Variants in KIAA1217 observed in about 807,000 individuals in gnomAD.
KIAA1217 encodes the protein sickle tail protein homolog.
In KIAA1217, 88 loss-of-function variants were observed where a neutral mutation model predicts 163.9. That is an observed-to-expected ratio of 0.54 (90% CI 0.45 to 0.64). KIAA1217 has a LOEUF of 0.64. Among genes scored for constraint, KIAA1217 ranks in the 30% least tolerant of loss-of-function variants. The pLI is 0.00. For synonymous variants in KIAA1217, 903 were observed against 923.1 expected, an observed-to-expected ratio of 0.98 and a Z score of 0.39; for missense variants, 2,372 against 2,475.0, an observed-to-expected ratio of 0.96 and a Z score of 0.88.
intron 1 of KIAA1217, 151 bp from the exon 2 acceptor site, chr10:24,219,475 T>C (rs1589993925): frequency 3.3e-6 from 2 of 602,692 alleles, no homozygotes; most frequent in East Asian, 6.4e-5. Context: ...CTCCCCTGAC[T>C]GCTGCAAAGC....
chr10:24,150,800 T>A (rs1360678950), intron 2 of KIAA1217, among the ~76,000 whole-genome samples: 1 of 152,168 alleles, frequency 6.6e-6, no homozygotes, highest in African/African-American at 2.4e-5. Flanking sequence ...AGCTGAATTA[T>A]CTGATAGAGC....
chr10:24,330,765 C>A (rs954240286), intron 2 of KIAA1217, among the ~76,000 whole-genome samples: 1 of 151,530 alleles, frequency 6.6e-6, no homozygotes. Context: ...CAGGTGCATG[C>A]CACCACACCA....
intron 2 of KIAA1217, among the ~76,000 whole-genome samples, chr10:24,301,928 C>T (rs1355154849): frequency 6.6e-6 from 1 of 152,044 alleles, no homozygotes; most frequent in Non-Finnish European, 1.5e-5. Flanking sequence ...GCCTATAATC[C>T]CAGCTACTTG....
At chr10:24,387,415 G>A (rs527488618) in intron 3 of KIAA1217, among the ~76,000 whole-genome samples, 1 of 152,230 alleles carries the variant, frequency 6.6e-6, no homozygotes, top group African/African-American at 2.4e-5. Context: ...AAAATAATAA[G>A]AGCTACTTAT....
chr10:23,798,269 G>A (rs1193552941), intron 1 of KIAA1217, among the ~76,000 whole-genome samples: 2 of 152,178 alleles, frequency 1.3e-5, no homozygotes. Context: ...CTCGATGGAA[G>A]CAATATCACG....
At chr10:24,311,017 A>G (rs1006321553) in intron 2 of KIAA1217, among the ~76,000 whole-genome samples, 3 of 152,152 alleles carry the variant, frequency 2.0e-5, no homozygotes, top group Admixed American at 2.0e-4. Flanking sequence ...AAAACAAAGC[A>G]AAAAAATGAA....
At chr10:24,460,106 C>T (rs2062229540) in intron 5 of KIAA1217, among the ~76,000 whole-genome samples, 3 of 152,200 alleles carry the variant, frequency 2.0e-5, no homozygotes, top group Admixed American at 1.3e-4. Flanking sequence ...AGCAGGTGTT[C>T]TCATGTTCTC....
chr10:23,834,759 A>G (rs991690417), intron 1 of KIAA1217, among the ~76,000 whole-genome samples: 4 of 152,180 alleles, frequency 2.6e-5, no homozygotes, highest in East Asian at 3.9e-4. Context: ...AGAAGAATCA[A>G]GGACAACTCC....
chr10:23,717,777 T>TC (rs1255255207), intron 1 of KIAA1217, among the ~76,000 whole-genome samples: 1 of 152,160 alleles, frequency 6.6e-6, no homozygotes, highest in Non-Finnish European at 1.5e-5. Context: ...AGACTTGAAC[T>TC]CTGAGCCAAA....
intron 1 of KIAA1217, among the ~76,000 whole-genome samples, chr10:23,951,392 G>T (rs995010944): frequency 6.6e-6 from 1 of 152,128 alleles, no homozygotes; most frequent in Non-Finnish European, 1.5e-5. Flanking sequence ...AGGGGCTCAC[G>T]CCTGTAATCC....
intron 2 of KIAA1217, among the ~76,000 whole-genome samples, chr10:24,031,141 A>G (rs1331801508): frequency 6.6e-6 from 1 of 152,112 alleles, no homozygotes. Context: ...TTATATTCCC[A>G]CCCACAGTGC....
chr10:24,248,566 G>C (rs1037706026), intron 2 of KIAA1217, among the ~76,000 whole-genome samples: 2 of 151,110 alleles, frequency 1.3e-5, no homozygotes, highest in East Asian at 3.9e-4. Context: ...AGCTACTAGG[G>C]GGGCTGAGAC....
intron 2 of KIAA1217, among the ~76,000 whole-genome samples, chr10:24,145,231 G>T (rs1047114203): frequency 1.4e-4 from 22 of 152,166 alleles, no homozygotes; most frequent in African/African-American, 5.1e-4. Context: ...GTCTTGAATT[G>T]CTCAAAAATC....
intron 5 of KIAA1217, among the ~76,000 whole-genome samples, chr10:24,439,996 C>G (rs1464357690): frequency 6.6e-6 from 1 of 152,166 alleles, no homozygotes; most frequent in African/African-American, 2.4e-5. Context: ...ATAAAAGAAG[C>G]CAGCAGATCT....
At chr10:23,861,959 T>C (rs970288167) in intron 1 of KIAA1217, among the ~76,000 whole-genome samples, 1 of 152,186 alleles carries the variant, frequency 6.6e-6, no homozygotes, top group Non-Finnish European at 1.5e-5. Context: ...TTTGTGGCAA[T>C]TTGTTATGAC....
intron 2 of KIAA1217, among the ~76,000 whole-genome samples, chr10:24,312,198 G>A (rs975201932): frequency 1.3e-5 from 2 of 152,094 alleles, no homozygotes; most frequent in Admixed American, 6.5e-5. Context: ...CAGCTAACGA[G>A]GGGCCAGCTC....
At chr10:23,899,478 A>G (rs1288692696) in intron 1 of KIAA1217, among the ~76,000 whole-genome samples, 4 of 152,114 alleles carry the variant, frequency 2.6e-5, no homozygotes, top group Non-Finnish European at 4.4e-5. Flanking sequence ...CTGGATTAGA[A>G]GAGAAGAAAT....
chr10:24,541,789 C>A (rs2075132760), intron 17 of KIAA1217, among the ~76,000 whole-genome samples: 1 of 152,210 alleles, frequency 6.6e-6, no homozygotes, highest in Non-Finnish European at 1.5e-5. Context: ...AGACATGTAT[C>A]TTCAGTCTAC....
chr10:23,899,496 G>A (rs1246828503), intron 1 of KIAA1217, among the ~76,000 whole-genome samples: 2 of 152,030 alleles, frequency 1.3e-5, no homozygotes, highest in African/African-American at 4.8e-5. Context: ...AATATAAGTC[G>A]AGGGAAAGAG....
Sources: allele counts gnomAD v4.1 joint callset (sites outside exome capture counted in the v4.1 genomes callset), GRCh38; gene constraint gnomAD v4.1.1; transcripts MANE v1.5; gene names NCBI Gene and HGNC (gene_info 2026-07-23, HGNC 2026-07-21).